SNX29: variants seen among roughly 807,000 people sequenced by gnomAD.
The protein encoded by SNX29 is sorting nexin 29, also known as sorting nexin-29.
A neutral mutation model predicts 102.1 loss-of-function variants in SNX29; 78 were observed. That is an observed-to-expected ratio of 0.76 (90% CI 0.64 to 0.92). SNX29 has a LOEUF of 0.92. Among genes scored for constraint, SNX29 ranks in the 40% least tolerant of loss-of-function variants. SNX29 has a pLI of 0.00. For synonymous variants in SNX29, 580 were observed against 414.5 expected, an observed-to-expected ratio of 1.40 and a Z score of -4.85; for missense variants, 1,280 against 1,061.7, an observed-to-expected ratio of 1.21 and a Z score of -2.86.
At chr16:12,400,418 G>A (rs2083894231) in intron 17 of SNX29, among the ~76,000 whole-genome samples, 2 of 152,184 alleles carry the variant, frequency 1.3e-5, no homozygotes, top group Non-Finnish European at 2.9e-5. Flanking sequence ...TTCAGAGATG[G>A]GTGTCTCCTC....
chr16:12,275,338 T>C (rs371134034), intron 14 of SNX29, among the ~76,000 whole-genome samples: 6 of 152,356 alleles, frequency 3.9e-5, no homozygotes, highest in African/African-American at 1.4e-4. Context: ...AAGTTCAGTG[T>C]GTGTTACTTT....
intron 2 of SNX29, among the ~76,000 whole-genome samples, chr16:12,002,323 C>A (rs980743635): frequency 5.9e-5 from 9 of 151,836 alleles, no homozygotes; most frequent in African/African-American, 1.9e-4. Flanking sequence ...TGGCACATGC[C>A]TGTAATCCCA....
chr16:12,237,733 C>T (rs867588042), intron 14 of SNX29, among the ~76,000 whole-genome samples: 2 of 152,060 alleles, frequency 1.3e-5, no homozygotes, highest in African/African-American at 4.8e-5. Context: ...TTGGTGAAAC[C>T]CCCGTCTCTA....
At chr16:12,311,093 G>A (rs2080525933) in intron 15 of SNX29, among the ~76,000 whole-genome samples, 1 of 152,184 alleles carries the variant, frequency 6.6e-6, no homozygotes, top group South Asian at 2.1e-4. Flanking sequence ...ATAAGTGAGG[G>A]CTGGTCCTTC....
At chr16:12,372,548 A>T (rs2082722860) in intron 16 of SNX29, 1 of 152,218 alleles carries the variant, frequency 6.6e-6, no homozygotes, top group Non-Finnish European at 1.5e-5. Context: ...CTGGAGGTTC[A>T]TGAGGGGGTG....
intron 18 of SNX29, among the ~76,000 whole-genome samples, chr16:12,468,679 C>T (rs1448826233): frequency 6.6e-6 from 1 of 152,168 alleles, no homozygotes; most frequent in Non-Finnish European, 1.5e-5. Context: ...GTTTTGTTCT[C>T]CATGATAGCC....
intron 1 of SNX29, among the ~76,000 whole-genome samples, chr16:11,978,836 A>G (rs1309447799): frequency 6.6e-6 from 1 of 152,074 alleles, no homozygotes; most frequent in East Asian, 1.9e-4. Context: ...GAGGCAGGAG[A>G]ATCGCTTAAA....
chr16:12,425,966 C>G (rs573347287), intron 18 of SNX29, among the ~76,000 whole-genome samples: 5 of 152,236 alleles, frequency 3.3e-5, no homozygotes, highest in African/African-American at 1.2e-4. Flanking sequence ...CCAGCCACAG[C>G]CTGCCAAGAC....
chr16:12,562,481 T>G (rs1008217060), intron 20 of SNX29, among the ~76,000 whole-genome samples: 1 of 152,080 alleles, frequency 6.6e-6, no homozygotes, highest in Non-Finnish European at 1.5e-5. Flanking sequence ...GGAACTCGAG[T>G]CCTAGAAAGG....
chr16:12,417,425 C>T (rs1015554288), intron 18 of SNX29, among the ~76,000 whole-genome samples: 25 of 152,184 alleles, frequency 1.6e-4, no homozygotes, highest in African/African-American at 5.3e-4. Flanking sequence ...GCAATGAGGA[C>T]ATTCCTGTGG....
chr16:12,414,440 C>T (rs1256639102), intron 18 of SNX29, among the ~76,000 whole-genome samples: 3 of 152,158 alleles, frequency 2.0e-5, no homozygotes, highest in Admixed American at 6.5e-5. Context: ...TCATATTAAC[C>T]GTGGCTTAAG....
chr16:12,461,980 TATATATA>T (rs2086808878), intron 18 of SNX29, among the ~76,000 whole-genome samples: 2 of 33,512 alleles, frequency 6.0e-5, no homozygotes, highest in African/African-American at 1.5e-4. Context: ...AAAAAAAAAA[TATATATA>T]TATATATATA....
chr16:12,524,149 C>T (rs2090205910), intron 19 of SNX29, among the ~76,000 whole-genome samples: 2 of 152,218 alleles, frequency 1.3e-5, no homozygotes, highest in South Asian at 4.1e-4. Flanking sequence ...GCATCGTGGC[C>T]CACGCGTCCT....
At chr16:12,043,179 G>A (rs1201013735) in intron 5 of SNX29, 102 bp downstream of exon 5, 9 of 1,423,964 alleles carry the variant, frequency 6.3e-6, no homozygotes, top group Non-Finnish European at 8.6e-6. Context: ...TCCCCGATCT[G>A]GGGGAAGTGG....
rs775241028 is a variant in SNX29 at position 12,048,472 on chromosome 16, G to A, written c.600G>A (p.Thr200=). The A allele has an allele frequency of 1.5e-4, 246 of 1,613,760 alleles. No individual in the cohort carries two copies. The highest frequency in any genetic ancestry group is 2.0e-4 in the Non-Finnish European group (240 of 1,179,870). Residue 200 remains threonine, a synonymous_variant, in exon 7 of 21, where the codon ACG becomes ACA. Transcript: ENST00000566228. ...PTVSDLLKES[T]QNVTSLLKES... Reference sequence around the variant, plus strand: ...TTTCAGACCTCTTAAAGGAGTCAACGCAGAACGTGACCTCCTTGCTGAAGG... The same window carrying A: ...TTTCAGACCTCTTAAAGGAGTCAACACAGAACGTGACCTCCTTGCTGAAGG...
Position 12,532,403 on chromosome 16 carries a change from G to A in SNX29, c.2318+7562G>A, listed in dbSNP as rs546032590. On this transcript the variant is annotated intron_variant, in intron 20 of 20. Transcript: ENST00000566228. ...CGTTCACTTGTGTTTCCCAGCGTTT[G>A]TATATTCATTCTAGGCTGTCGTGTT... is the stretch of plus-strand genomic sequence containing the variant. 7.9e-5 allele frequency among the ~76,000 whole-genome samples: 12 copies of A among 152,270 alleles called. No homozygotes were observed. In the South Asian group the frequency reaches 1.2e-3, roughly 16 times the overall value.
intron 14 of SNX29, among the ~76,000 whole-genome samples, chr16:12,228,276 C>A (rs1012574400): frequency 1.3e-5 from 2 of 152,222 alleles, no homozygotes; most frequent in African/African-American, 4.8e-5. Flanking sequence ...CCTTCCACAC[C>A]CATGGCAGGC....
chr16:12,416,277 G>A (rs1219798051), intron 18 of SNX29, among the ~76,000 whole-genome samples: 1 of 152,114 alleles, frequency 6.6e-6, no homozygotes, highest in East Asian at 1.9e-4. Flanking sequence ...CCCGGGGCTT[G>A]TCTCGGGGCA....
At chr16:12,140,088 G>A (rs2054817438) in intron 13 of SNX29, among the ~76,000 whole-genome samples, 2 of 151,418 alleles carry the variant, frequency 1.3e-5, no homozygotes, top group South Asian at 4.2e-4. Context: ...CAGTTGATTC[G>A]CTCATGAAAC....
Sources: gnomAD v4.1 joint callset for allele counts (sites outside exome capture counted in the v4.1 genomes callset) on GRCh38, gnomAD v4.1.1 for gene constraint, MANE v1.5 for transcripts, NCBI Gene and HGNC (gene_info 2026-07-23, HGNC 2026-07-21) for gene names.